The following GOLGA4 variants were observed in gnomAD, a reference collection of about 807,000 sequenced individuals.
GOLGA4 encodes the protein golgin subfamily A member 4.
GOLGA4 carries 169 observed loss-of-function variants against 265.9 expected under a neutral mutation model. That is an observed-to-expected ratio of 0.64 (90% CI 0.56 to 0.72). GOLGA4 has a LOEUF of 0.72. GOLGA4 is among the 30% of genes least tolerant of loss of function. GOLGA4 has a pLI of 0.00. For missense variants in GOLGA4, 2,482 were observed against 2,483.4 expected (o/e 1.00, Z 0.01); for synonymous variants, 923 against 855.8 (o/e 1.08, Z -1.37).
chr3:37,300,945 C>T (rs1263807794), intron 9 of GOLGA4, among the ~76,000 whole-genome samples: 4 of 152,138 alleles, frequency 2.6e-5, no homozygotes, highest in African/African-American at 4.8e-5. Flanking sequence ...TATCTTCTCT[C>T]CTTCTCTTTC....
chr3:37,304,331 A>G (rs1279156541), intron 10 of GOLGA4, among the ~76,000 whole-genome samples: 1 of 152,208 alleles, frequency 6.6e-6, no homozygotes, highest in African/African-American at 2.4e-5. Context: ...GTATCTCCCC[A>G]TCTTCTTGGA....
At chr3:37,333,972 T>C (rs529029386) in intron 16 of GOLGA4, among the ~76,000 whole-genome samples, 13 of 152,378 alleles carry the variant, frequency 8.5e-5, no homozygotes, top group South Asian at 8.3e-4. Context: ...TCAATGTCTA[T>C]TAAATCAGAT....
Position 37,289,771 on chromosome 3 carries a change from T to A in GOLGA4, c.582+480T>A, listed in dbSNP as rs142258930. ...ACCACTCCTGGTTTGACCTGCTGTC[T>A]CAAATTATTTTGTAATGAGTACCTG... On this transcript the variant is annotated intron_variant, in intron 5 of 23. Transcript: ENST00000361924. 1.3e-3 allele frequency among the ~76,000 whole-genome samples: 205 copies of A among 152,310 alleles called. 1 individual carries two copies. Among genetic ancestry groups the A allele is most frequent in the African/African-American group, 4.8e-3 (200 of 41,576 alleles).
At chr3:37,356,416 T>C (rs1368516597) in intron 22 of GOLGA4, among the ~76,000 whole-genome samples, 1 of 152,196 alleles carries the variant, frequency 6.6e-6, no homozygotes, top group African/African-American at 2.4e-5. Flanking sequence ...TATATACTTA[T>C]TGCCTATTTT....
At chr3:37,353,931 T>C (rs2097082777) in intron 21 of GOLGA4, among the ~76,000 whole-genome samples, 1 of 151,938 alleles carries the variant, frequency 6.6e-6, no homozygotes, top group African/African-American at 2.4e-5. Flanking sequence ...AGATGAAAGA[T>C]AAACGGAAGA....
Position 37,325,944 on chromosome 3 carries a change from A to G in GOLGA4, c.4058A>G (p.Asn1353Ser), listed in dbSNP as rs773118082. The change falls in exon 14 of 24, where the codon AAT becomes AGT. Residue 1353 changes from asparagine to serine, a missense_variant. By Grantham distance (46) the Asn-to-Ser change is conservative (BLOSUM62 1). This residue lies in a region of GOLGA4 where 942 missense variants were observed against 983.1 expected (regional missense o/e 0.96). Coordinates refer to ENST00000361924, the MANE Select transcript of GOLGA4 (RefSeq NM_002078.5). ...QLKKELSENI[N>S]AVTLMKEELK... The stretch of plus-strand genomic sequence containing the variant: ...AAGAAAGAGTTATCTGAAAACATCA[A>G]TGCTGTCACATTGATGAAAGAAGAG... The G allele has an allele frequency of 3.1e-5, 50 of 1,611,782 alleles. No individual in the cohort carries two copies. The highest frequency in any genetic ancestry group is 1.3e-4 in the Admixed American group (8 of 59,918).
intron 23 of GOLGA4, among the ~76,000 whole-genome samples, chr3:37,364,676 T>C (rs1696610047): frequency 6.7e-6 from 1 of 149,912 alleles, no homozygotes; most frequent in African/African-American, 2.5e-5. Flanking sequence ...AGCCTTGACC[T>C]CCTGGGCTCA....
At chr3:37,293,877 A>G (rs1357670385) in intron 5 of GOLGA4, among the ~76,000 whole-genome samples, 1 of 152,226 alleles carries the variant, frequency 6.6e-6, no homozygotes, top group Non-Finnish European at 1.5e-5. Flanking sequence ...TGTATTGTTT[A>G]TTGTTCCTAC....
intron 16 of GOLGA4, among the ~76,000 whole-genome samples, chr3:37,332,428 G>T (rs1268317529): frequency 6.6e-6 from 1 of 152,168 alleles, no homozygotes; most frequent in African/African-American, 2.4e-5. Context: ...GATTGCTTGA[G>T]CTTGGGAGGT....
chr3:37,335,506 G>T (rs187768370), intron 17 of GOLGA4, among the ~76,000 whole-genome samples: 331 of 152,230 alleles, frequency 2.2e-3, no homozygotes, highest in African/African-American at 7.7e-3. Context: ...GCTAAAAATG[G>T]TCCATTGTAA....
At chr3:37,275,904 A>G (rs2096816533) in intron 2 of GOLGA4, 2 of 1,613,796 alleles carry the variant, frequency 1.2e-6, no homozygotes, top group Admixed American at 3.3e-5. Context: ...TCTCTCATCA[A>G]ATCCTGGAAA....
intron 5 of GOLGA4, among the ~76,000 whole-genome samples, chr3:37,291,725 G>T (rs953090321): frequency 2.0e-5 from 3 of 152,188 alleles, no homozygotes; most frequent in African/African-American, 4.8e-5. Flanking sequence ...TTAGGAGCTG[G>T]TGAAATGTTG....
chr3:37,337,835 T>G (rs1450804416), intron 19 of GOLGA4, 101 bp downstream of exon 19: 1 of 713,220 alleles, frequency 1.4e-6, no homozygotes, highest in East Asian at 2.7e-5. Flanking sequence ...AATTTTTCAG[T>G]CTTACACCCA....
At chr3:37,340,063 C>A in intron 19 of GOLGA4, 61 bp from the exon 20 acceptor site, 2 of 723,724 alleles carry the variant, frequency 2.8e-6, no homozygotes, top group Admixed American at 2.4e-5. Context: ...AGCAATCTTT[C>A]TTTTTCTTAC....
chr3:37,349,923 G>A (rs980010082), intron 21 of GOLGA4, among the ~76,000 whole-genome samples: 4 of 152,110 alleles, frequency 2.6e-5, no homozygotes, highest in Non-Finnish European at 5.9e-5. Context: ...TAGTACATAC[G>A]TTCTTGTAGT....
At chr3:37,287,841 T>G (rs1017096800) in intron 4 of GOLGA4, among the ~76,000 whole-genome samples, 2 of 152,178 alleles carry the variant, frequency 1.3e-5, no homozygotes, top group African/African-American at 4.8e-5. Flanking sequence ...CCAGTCATAC[T>G]CCCTTGGTCA....
chr3:37,260,072 T>C (rs1246321646), intron 2 of GOLGA4, among the ~76,000 whole-genome samples: 1 of 151,954 alleles, frequency 6.6e-6, no homozygotes, highest in East Asian at 1.9e-4. Flanking sequence ...TGTCTAATCT[T>C]TTGGCTTCCC....
In GOLGA4 at chr3:37,327,413, C is replaced by T; in HGVS notation, c.5527C>T (p.Gln1843Ter). 6.2e-7 allele frequency: 1 copy of T among 1,613,868 alleles called. No homozygotes were observed. Among genetic ancestry groups the T allele is most frequent in the Non-Finnish European group, 8.5e-7 (1 of 1,179,826 alleles). Reference sequence around the variant, plus strand: ...GTTTGACGACGTCCAGAAAACCCTCCAGGAGAAGGAACTAACCTGTCAGAT... The same window carrying T: ...GTTTGACGACGTCCAGAAAACCCTCTAGGAGAAGGAACTAACCTGTCAGAT... ...NVFDDVQKTL[Q>*]EKELTCQILE... Residue 1843 changes from glutamine to a stop codon, truncating the protein, a stop_gained, in exon 14 of 24, where the codon CAG (glutamine) becomes TAG (stop). Coordinates refer to ENST00000361924, the MANE Select transcript of GOLGA4 (RefSeq NM_002078.5). LOFTEE classifies it high-confidence loss of function.
At chr3:37,285,028 A>G (rs1184481024) in intron 3 of GOLGA4, among the ~76,000 whole-genome samples, 2 of 152,150 alleles carry the variant, frequency 1.3e-5, no homozygotes, top group Non-Finnish European at 2.9e-5. Flanking sequence ...GCAGCCTTCT[A>G]AGGTAAATGG....
Sources: gnomAD v4.1 joint callset for allele counts (sites outside exome capture counted in the v4.1 genomes callset) on GRCh38, gnomAD v4.1.1 for gene constraint, gnomAD v4.1.1 regional missense constraint, MANE v1.5 for transcripts, NCBI Gene and HGNC (gene_info 2026-07-23, HGNC 2026-07-21) for gene names.